SCLT1: variants seen among roughly 807,000 people sequenced by gnomAD.
The protein encoded by SCLT1 is sodium channel-associated protein 1.
SCLT1 carries 78 observed loss-of-function variants against 112.8 expected under a neutral mutation model. The observed-to-expected ratio is 0.69, with a 90% confidence interval of 0.58 to 0.83. The LOEUF (loss-of-function observed/expected upper bound fraction) is 0.83, where lower values mean the gene tolerates loss of function less well. Ranked by LOEUF, SCLT1 falls within the 40% of genes least tolerant of loss-of-function variation. The probability of loss-of-function intolerance (pLI) is 0.00; values close to 1 mark genes in which losing one functional copy is unlikely to be tolerated. For synonymous variants in SCLT1, 257 were observed against 254.7 expected, an observed-to-expected ratio of 1.01 and a Z score of -0.09; for missense variants, 747 against 770.4, an observed-to-expected ratio of 0.97 and a Z score of 0.36.
At chr4:128,957,185 G>T in intron 12 of SCLT1, 61 bp from the exon 13 acceptor site, 2 of 1,005,382 alleles carry the variant, frequency 2.0e-6, no homozygotes, top group Non-Finnish European at 3.0e-6. Context: ...ATAATAACAG[G>T]TGAAAACCTA....
chr4:129,090,767 C>T (rs1258427479), intron 1 of SCLT1, among the ~76,000 whole-genome samples: 2 of 152,296 alleles, frequency 1.3e-5, no homozygotes, highest in African/African-American at 4.8e-5. Flanking sequence ...TTCCTAAAAA[C>T]TAACTGATCT....
At chr4:129,070,692 T>C (rs540078895) in intron 2 of SCLT1, among the ~76,000 whole-genome samples, 39 of 152,262 alleles carry the variant, frequency 2.6e-4, no homozygotes, top group African/African-American at 8.7e-4. Context: ...ATTTTATTTA[T>C]CCCTTCAAGG....
intron 2 of SCLT1, among the ~76,000 whole-genome samples, chr4:129,052,487 T>C (rs1482701158): frequency 6.6e-6 from 1 of 151,960 alleles, no homozygotes; most frequent in Admixed American, 6.5e-5. Context: ...ATTCATTTCT[T>C]CTAGATTTTC....
chr4:128,978,932 T>G (rs764895507), intron 9 of SCLT1, among the ~76,000 whole-genome samples: 1 of 152,152 alleles, frequency 6.6e-6, no homozygotes, highest in African/African-American at 2.4e-5. Flanking sequence ...ACTCTGGTCC[T>G]AGAAATTACA....
chr4:128,882,885 G>T (rs1044648684), downstream of SCLT1, among the ~76,000 whole-genome samples: 66 of 152,210 alleles, frequency 4.3e-4, no homozygotes, highest in African/African-American at 1.5e-3. Context: ...GGTGGCTCAG[G>T]CCTGTAATCC....
chr4:129,002,814 G>C (rs1389927657), intron 6 of SCLT1, among the ~76,000 whole-genome samples: 1 of 152,108 alleles, frequency 6.6e-6, no homozygotes, highest in East Asian at 1.9e-4. Flanking sequence ...GGAGAAATAG[G>C]AACACTTTTA....
At chr4:128,993,683 C>A (rs1209241473) in intron 8 of SCLT1, among the ~76,000 whole-genome samples, 1 of 151,928 alleles carries the variant, frequency 6.6e-6, no homozygotes, top group African/African-American at 2.4e-5. Context: ...TCCTTTTCAA[C>A]CATCATCTAT....
At chr4:129,055,454 C>T (rs1016739421) in intron 2 of SCLT1, among the ~76,000 whole-genome samples, 5 of 152,208 alleles carry the variant, frequency 3.3e-5, no homozygotes, top group African/African-American at 1.2e-4. Flanking sequence ...ACTGGGGCTG[C>T]TGCCTTTCTT....
intron 5 of SCLT1, among the ~76,000 whole-genome samples, chr4:129,036,210 G>T (rs2126154153): frequency 6.6e-6 from 1 of 152,096 alleles, no homozygotes; most frequent in African/African-American, 2.4e-5. Context: ...AATAAACTTA[G>T]AATCCATTTT....
intron 5 of SCLT1, among the ~76,000 whole-genome samples, chr4:129,028,893 A>G (rs1441524058): frequency 6.6e-6 from 1 of 152,226 alleles, no homozygotes; most frequent in East Asian, 1.9e-4. Flanking sequence ...TCTCAAAAGA[A>G]GACATTTATG....
intron 14 of SCLT1, among the ~76,000 whole-genome samples, chr4:128,951,884 T>A (rs1292991757): frequency 6.6e-6 from 1 of 152,126 alleles, no homozygotes; most frequent in Non-Finnish European, 1.5e-5. Context: ...ATGATTAAGA[T>A]CCCGTCATGT....
rs75687531 is a variant in SCLT1, at chr4:128,936,174, T to C, written c.1829+481A>G. ...GTTTTAGGTTTACTATAGTAAATCA[T>C]ATGGTGATATAGTAGATCATTCAGT... On this transcript the variant is annotated intron_variant, in intron 18 of 20. Coordinates refer to ENST00000281142, the MANE Select transcript of SCLT1 (RefSeq NM_144643.4). Among the ~76,000 whole-genome samples, 379 of 151,862 alleles carry C rather than the reference T, an allele frequency of 2.5e-3. 1 individual carries two copies. Among genetic ancestry groups the C allele is most frequent in the African/African-American group, 8.9e-3 (367 of 41,458 alleles).
downstream of SCLT1, among the ~76,000 whole-genome samples, chr4:128,882,944 C>T (rs376264970): frequency 1.8e-4 from 27 of 151,978 alleles, no homozygotes; most frequent in South Asian, 4.8e-3. Flanking sequence ...GTCAGAAGTT[C>T]GAGACCAGCC....
At chr4:128,976,849 G>A (rs184049791) in intron 9 of SCLT1, among the ~76,000 whole-genome samples, 1 of 152,248 alleles carries the variant, frequency 6.6e-6, no homozygotes, top group Admixed American at 6.5e-5. Context: ...GTAGGTAAGT[G>A]TAGGGCTTAT....
At chr4:129,073,039 C>G (rs956458988) in intron 2 of SCLT1, among the ~76,000 whole-genome samples, 1 of 152,092 alleles carries the variant, frequency 6.6e-6, no homozygotes, top group Non-Finnish European at 1.5e-5. Flanking sequence ...GATGTGGTTT[C>G]CTGAGAGTCT....
At chr4:129,067,905 T>C (rs561477262) in intron 2 of SCLT1, among the ~76,000 whole-genome samples, 1 of 152,170 alleles carries the variant, frequency 6.6e-6, no homozygotes, top group Admixed American at 6.6e-5. Flanking sequence ...GGGTAAGTTC[T>C]TTAGTGATGA....
chr4:128,976,650 A>AG (rs1741200678), intron 9 of SCLT1, among the ~76,000 whole-genome samples: 1 of 152,220 alleles, frequency 6.6e-6, no homozygotes, highest in Non-Finnish European at 1.5e-5. Flanking sequence ...CCACAAAGCA[A>AG]GCATATGTTA....
chr4:129,024,061 C>G (rs1253577902), intron 5 of SCLT1, among the ~76,000 whole-genome samples: 1 of 152,200 alleles, frequency 6.6e-6, no homozygotes, highest in African/African-American at 2.4e-5. Flanking sequence ...TGGAGCCCAC[C>G]ACAGCTCAAG....
chr4:129,003,972 CTT>C, intron 5 of SCLT1, 96 bp from the exon 6 acceptor site: 2 of 1,070,004 alleles, frequency 1.9e-6, no homozygotes, highest in South Asian at 2.9e-5. Flanking sequence ...AACAATAACT[CTT>C]TAAACAAAAT....
Sources: gnomAD v4.1 joint callset for allele counts (sites outside exome capture counted in the v4.1 genomes callset) on GRCh38, gnomAD v4.1.1 for gene constraint, MANE v1.5 for transcripts, NCBI Gene and HGNC (gene_info 2026-07-23, HGNC 2026-07-21) for gene names.